The following ITGB2 variants were observed in gnomAD, a reference collection of about 807,000 sequenced individuals.
ITGB2 encodes integrin subunit beta 2.
Under a neutral mutation model 86.8 loss-of-function variants are expected in ITGB2, and 56 were observed. The ratio of observed to expected loss-of-function variants is 0.65; its 90% CI spans 0.52 to 0.81. ITGB2 has a LOEUF of 0.81. Ranked by LOEUF, ITGB2 falls within the 30% of genes least tolerant of loss-of-function variation. The pLI is 0.00. For missense variants in ITGB2, 948 were observed against 1,061.2 expected (o/e 0.89, Z 1.48); for synonymous variants, 457 against 450.4 (o/e 1.01, Z -0.19).
intron 13 of ITGB2, 150 bp downstream of exon 13, chr21:44,889,126 G>A (rs568895217): frequency 1.0e-4 from 79 of 770,232 alleles, no homozygotes; most frequent in South Asian, 1.0e-3. Flanking sequence ...GGGGCACGGC[G>A]GCCGCGGAGG....
Position 44,891,800 on chromosome 21 carries a change from C to T in ITGB2, c.1412+9G>A. On this transcript the variant is annotated intron_variant, in intron 11 of 15. Transcript: ENST00000652462. ...GGGATGGTTCAACAGGGACCTGCGC[C>T]CGCCTCACCTGCAGATGCCGCACTC... 1 of 1,602,334 alleles carries T rather than the reference C, an allele frequency of 6.2e-7. No individual in the cohort carries two copies. The highest frequency in any genetic ancestry group is 8.5e-7 in the Non-Finnish European group (1 of 1,179,890).
intron 1 of ITGB2, among the ~76,000 whole-genome samples, chr21:44,916,592 GCA>G (rs2084213579): frequency 6.6e-6 from 1 of 152,192 alleles, no homozygotes; most frequent in Admixed American, 6.5e-5. Context: ...GGGAGGCCGG[GCA>G]TGGTGGCTCA....
Position 44,890,111 on chromosome 21 carries a change from C to A in ITGB2, c.1524G>T (p.Gly508=), listed in dbSNP as rs1171956010. 1 of 1,613,448 alleles carries A rather than the reference C, an allele frequency of 6.2e-7. No individual in the cohort carries two copies. Among genetic ancestry groups the A allele is most frequent in the South Asian group, 1.1e-5 (1 of 91,084 alleles). ...ACTGCCCGCAGACACAGTCCCCCAGCCCTGAGCAGATGATGGAGTTGTTGT... is the reference window on the plus strand; with the variant it reads ...ACTGCCCGCAGACACAGTCCCCCAGACCTGAGCAGATGATGGAGTTGTTGT... ...RKDNNSIICS[G]LGDCVCGQCL... is the part of the protein sequence containing the mutation. Residue 508 remains glycine (G), a synonymous_variant, in exon 12 of 16, where the codon GGG becomes GGT. Transcript: ENST00000652462.
rs2072703 is a variant in ITGB2, at chr21:44,907,111, C to A, written c.148-16G>T. On this transcript the variant is annotated splice_polypyrimidine_tract_variant and intron_variant, in intron 3 of 15. Coordinates refer to ENST00000652462, the MANE Select transcript of ITGB2 (RefSeq NM_000211.5). ...CTGTGAAGTTCTGGGGAGGGGGAGTCAGGGGTCAGGAGGGGGCCACACTGC... is the reference window on the plus strand; with the variant it reads ...CTGTGAAGTTCTGGGGAGGGGGAGTAAGGGGTCAGGAGGGGGCCACACTGC... 96,070 of 1,578,004 alleles carry A rather than the reference C, an allele frequency of 0.061. 4,339 individuals carry two copies. The highest frequency in any genetic ancestry group is 0.2 in the South Asian group (17,331 of 86,952).
chr21:44,917,619 G>C (rs1208669347), intron 1 of ITGB2, among the ~76,000 whole-genome samples: 2 of 152,134 alleles, frequency 1.3e-5, no homozygotes, highest in Non-Finnish European at 2.9e-5. Flanking sequence ...CCATCCATGG[G>C]ACAGGGGCTT....
At position 44,894,974 on chromosome 21, in the gene ITGB2, G is replaced by A. The variant is rs2083842348; in HGVS notation, c.1080C>T (p.Tyr360=). The change falls in exon 9 of 16, where the codon TAC becomes TAT. Residue 360 remains tyrosine (Y), a synonymous_variant. Coordinates refer to ENST00000652462, the MANE Select transcript of ITGB2 (RefSeq NM_000211.5). ...CTGAGTGGTGCGGGAGACTCACATT[G>A]TAAGCATTCTTAATGAGATGGACCA... ...SNVVHLIKNA[Y]NKLSSRVFLD... is the part of the protein sequence containing the mutation. 1.2e-6 allele frequency: 2 copies of A among 1,602,160 alleles called. No homozygotes were observed. The highest frequency in any genetic ancestry group is 1.7e-6 in the Non-Finnish European group (2 of 1,169,288).
intron 4 of ITGB2, among the ~76,000 whole-genome samples, chr21:44,905,654 C>T (rs560353918): frequency 2.6e-4 from 39 of 152,324 alleles, no homozygotes; most frequent in Middle Eastern, 3.4e-3. Flanking sequence ...GGTTCCAGCA[C>T]GAAGGGGCTT....
In ITGB2 at chr21:44,903,472, T is replaced by G. The variant is rs769766182; in HGVS notation, c.392A>C (p.Tyr131Ser). ...CATGGAGTAGGAGAGGTCCATCAGA[T>G]AGTACAGGTCGATGGGGTAGCCCTT... ...RAKGYPIDLY[Y>S]LMDLSYSMLD... The change falls in exon 5 of 16, where the codon TAT becomes TCT. Residue 131 changes from tyrosine (Y) to serine (S), a missense_variant. Coordinates refer to ENST00000652462, the MANE Select transcript of ITGB2 (RefSeq NM_000211.5). 2.5e-6 allele frequency: 4 copies of G among 1,613,978 alleles called. No homozygotes were observed. The highest frequency in any genetic ancestry group is 2.7e-5 in the African/African-American group (2 of 74,986).
intron 3 of ITGB2, among the ~76,000 whole-genome samples, chr21:44,908,619 G>A (rs977804916): frequency 2.6e-5 from 4 of 152,100 alleles, no homozygotes; most frequent in Admixed American, 1.3e-4. Flanking sequence ...TTTCTTTTTC[G>A]GGGAGCTCGG....
At position 44,893,555 on chromosome 21, in the gene ITGB2, A is replaced by G; in HGVS notation, c.1084-11T>C. On this transcript the variant is annotated splice_polypyrimidine_tract_variant and intron_variant, in intron 9 of 15. Coordinates refer to ENST00000652462, the MANE Select transcript of ITGB2 (RefSeq NM_000211.5). ...CCTGGAGGAGAGTTTCTGCGGGCAG[A>G]GAGCGGTTACTCTTGGGGGCGAGTG... The G allele has an allele frequency of 6.2e-7, 1 of 1,613,624 alleles. No individual in the cohort carries two copies.
At chr21:44,886,715 C>T (rs749925935) in intron 15 of ITGB2, 21 bp downstream of exon 15, 3 of 1,613,898 alleles carry the variant, frequency 1.9e-6, no homozygotes, top group Non-Finnish European at 1.7e-6. Flanking sequence ...CTGCGTGGGA[C>T]CCCCAAGGAC....
chr21:44,914,287 C>T (rs1056276126), intron 1 of ITGB2: 2 of 152,594 alleles, frequency 1.3e-5, no homozygotes, highest in Admixed American at 6.5e-5. Context: ...CGCCCTTGAC[C>T]TCAACCCTGC....
chr21:44,903,084 G>T (rs1285460506), intron 5 of ITGB2, among the ~76,000 whole-genome samples: 2 of 152,188 alleles, frequency 1.3e-5, no homozygotes, highest in Non-Finnish European at 2.9e-5. Flanking sequence ...TCAGAATTTT[G>T]TCTTTTAAAC....
In ITGB2 at chr21:44,919,992, G is replaced by A. The variant is rs575988172; in HGVS notation, c.-4+829C>T. Reference sequence around the variant, plus strand: ...ACCAGGACCTTGGGAATGGCCTCCAGGAGCCTGTTGTGGGGAGGCCAGGGT... The same window carrying A: ...ACCAGGACCTTGGGAATGGCCTCCAAGAGCCTGTTGTGGGGAGGCCAGGGT... On this transcript the variant is annotated intron_variant, in intron 1 of 15. Coordinates refer to ENST00000652462, the MANE Select transcript of ITGB2 (RefSeq NM_000211.5). Among the ~76,000 whole-genome samples, 16 of 152,310 alleles carry A rather than the reference G, an allele frequency of 1.1e-4. 1 individual carries two copies. The Middle Eastern group carries it at 0.017, about 162-fold the overall frequency.
intron 4 of ITGB2, among the ~76,000 whole-genome samples, chr21:44,904,457 G>A (rs111362753): frequency 2.1e-4 from 31 of 150,136 alleles, no homozygotes; most frequent in African/African-American, 5.4e-4. Flanking sequence ...ACATATACAC[G>A]CACATGGCAC....
intron 3 of ITGB2, chr21:44,909,436 C>T (rs1388927851): frequency 6.6e-6 from 1 of 152,414 alleles, no homozygotes; most frequent in Non-Finnish European, 1.5e-5. Context: ...ACAAAGAAAG[C>T]TGAGGACTTG....
intron 7 of ITGB2, among the ~76,000 whole-genome samples, chr21:44,899,451 A>C (rs1045636070): frequency 2.0e-5 from 3 of 152,210 alleles, no homozygotes; most frequent in Non-Finnish European, 4.4e-5. Context: ...AGCCTTCCCC[A>C]CACGGTGGAC....
At chr21:44,927,042 G>A (rs2084380759) in intron 1 of ITGB2, 1 of 152,278 alleles carries the variant, frequency 6.6e-6, no homozygotes, top group Non-Finnish European at 1.5e-5. Flanking sequence ...GAGCCTGAGG[G>A]CTGCTCTCCT....
Position 44,907,372 on chromosome 21 carries a change from G to A in ITGB2, c.148-277C>T, listed in dbSNP as rs2072702. Among the ~76,000 whole-genome samples the A allele has an allele frequency of 0.66, 100,708 of 152,182 alleles. 34,626 individuals are homozygous for A. The highest frequency in any genetic ancestry group is 0.85 in the African/African-American group (35,284 of 41,546). ...GGACTCAGGACCTACTCTCCAGCCC[G>A]AGGCTGACCCAAGAGGAGAGGCCTC... is the stretch of plus-strand genomic sequence containing the variant. On this transcript the variant is annotated intron_variant, in intron 3 of 15. Coordinates refer to ENST00000652462, the MANE Select transcript of ITGB2 (RefSeq NM_000211.5).
Sources: allele counts gnomAD v4.1 joint callset (sites outside exome capture counted in the v4.1 genomes callset), GRCh38; gene constraint gnomAD v4.1.1; transcripts MANE v1.5; gene names NCBI Gene and HGNC (gene_info 2026-07-23, HGNC 2026-07-21).